Variants in PRKACB observed in about 807,000 individuals in gnomAD.
The protein encoded by PRKACB is cAMP-dependent protein kinase catalytic subunit beta.
Under a neutral mutation model 51.4 loss-of-function variants are expected in PRKACB, and 16 were observed. The ratio of observed to expected loss-of-function variants is 0.31; its 90% CI spans 0.21 to 0.47. The LOEUF is 0.47. Among genes scored for constraint, PRKACB ranks in the 20% least tolerant of loss-of-function variants. The pLI, the probability that PRKACB is intolerant of heterozygous loss-of-function variation, is 1.00. For missense variants in PRKACB, 309 were observed against 464.5 expected (o/e 0.67, Z 3.08); for synonymous variants, 147 against 154.4 (o/e 0.95, Z 0.35).
chr1:84,113,191 C>T (rs1198032045), intron 1 of PRKACB, among the ~76,000 whole-genome samples: 3 of 152,034 alleles, frequency 2.0e-5, no homozygotes, highest in South Asian at 4.2e-4. Flanking sequence ...GAACAAGTCA[C>T]GTAGTATCAC....
intron 6 of PRKACB, among the ~76,000 whole-genome samples, chr1:84,197,375 C>T (rs989702651): frequency 6.6e-6 from 1 of 152,114 alleles, no homozygotes; most frequent in African/African-American, 2.4e-5. Context: ...GCAGAGGACA[C>T]ATTGGGGTAA....
chr1:84,189,148 A>T (rs192983144), intron 5 of PRKACB, among the ~76,000 whole-genome samples: 76 of 152,028 alleles, frequency 5.0e-4, no homozygotes, highest in African/African-American at 1.6e-3. Flanking sequence ...AGAGCTTTCC[A>T]TTAAAAAAAT....
At chr1:84,210,001 A>T (rs760004023) in intron 8 of PRKACB, among the ~76,000 whole-genome samples, 8 of 152,214 alleles carry the variant, frequency 5.3e-5, no homozygotes, top group Admixed American at 1.3e-4. Context: ...CTCTGCCTTC[A>T]TGAAGCTTTC....
intron 9 of PRKACB, among the ~76,000 whole-genome samples, chr1:84,231,382 C>G (rs1038269474): frequency 4.6e-5 from 7 of 152,110 alleles, no homozygotes; most frequent in Non-Finnish European, 8.8e-5. Context: ...CTAAAATTCT[C>G]TTTTTTGGTT....
intron 1 of PRKACB, among the ~76,000 whole-genome samples, chr1:84,147,344 A>G (rs1373949920): frequency 1.3e-5 from 2 of 151,938 alleles, no homozygotes; most frequent in African/African-American, 2.4e-5. Flanking sequence ...ATTTTATACA[A>G]TCTCTCAGAC....
In PRKACB at chr1:84,144,318, G is replaced by T; in HGVS notation, c.-44G>T. ...GTGTAAGAAGTTGTGAGCTCCTTCT[G>T]GAAACATTTGCAGTTACATTAAGTA... On this transcript the variant is annotated 5_prime_UTR_variant, in exon 1 of 10. Coordinates refer to ENST00000370685, the MANE Select transcript of PRKACB (RefSeq NM_182948.4). 6.3e-7 allele frequency: 1 copy of T among 1,592,646 alleles called. No individual in the cohort carries two copies. The highest frequency in any genetic ancestry group is 1.1e-5 in the South Asian group (1 of 87,910).
At chr1:84,127,502 T>A (rs1255480442) in intron 1 of PRKACB, among the ~76,000 whole-genome samples, 1 of 152,238 alleles carries the variant, frequency 6.6e-6, no homozygotes, top group Non-Finnish European at 1.5e-5. Context: ...TTAATTTACC[T>A]GCTGGTATTA....
rs145969507 is a variant in PRKACB at position 84,162,237 on chromosome 1, A to G, written c.188-16940A>G. Reference sequence around the variant, plus strand: ...TCATGACTTTTCTCCTTACCTTTCAACAATTTGACTATGATATGTCTCAGT... The same window carrying G: ...TCATGACTTTTCTCCTTACCTTTCAGCAATTTGACTATGATATGTCTCAGT... On this transcript the variant is annotated intron_variant, in intron 1 of 9. Transcript: ENST00000370685. Among the ~76,000 whole-genome samples the G allele has an allele frequency of 7.8e-3, 1,187 of 151,786 alleles. 10 individuals carry two copies. Among genetic ancestry groups the G allele is most frequent in the African/African-American group, 0.027 (1,102 of 41,384 alleles).
rs1281543097 is a variant in PRKACB at position 84,181,990 on chromosome 1, A to G, written c.250-210A>G. ...CTATTACTATTATGCTCTGTTTTCC[A>G]ATACATTCTCTCCTCAGATATTAAA... On this transcript the variant is annotated intron_variant, in intron 2 of 9. Coordinates refer to ENST00000370685, the MANE Select transcript of PRKACB (RefSeq NM_182948.4). Among the ~76,000 whole-genome samples the G allele has an allele frequency of 2.0e-5, 3 of 152,038 alleles. No homozygotes were observed. The East Asian group carries it at 5.8e-4, about 29-fold the overall frequency.
intron 5 of PRKACB, among the ~76,000 whole-genome samples, chr1:84,188,068 C>A (rs1215891361): frequency 1.3e-5 from 2 of 151,896 alleles, no homozygotes; most frequent in Non-Finnish European, 2.9e-5. Context: ...AAAGTACTTA[C>A]AACTAATTTT....
chr1:84,145,874 GTTTTAA>G (rs1049557950), intron 1 of PRKACB, among the ~76,000 whole-genome samples: 4 of 151,874 alleles, frequency 2.6e-5, no homozygotes, highest in African/African-American at 9.7e-5. Context: ...TTTCAAGTAT[GTTTTAA>G]TTTAAAGTTA....
At chr1:84,179,717 A>T (rs1481186813) in intron 2 of PRKACB, among the ~76,000 whole-genome samples, 1 of 151,936 alleles carries the variant, frequency 6.6e-6, no homozygotes, top group African/African-American at 2.4e-5. Context: ...ACTAGGATCT[A>T]AAAACTGTAT....
intron 6 of PRKACB, 77 bp downstream of exon 6, chr1:84,196,819 T>G (rs548554396): frequency 7.0e-7 from 1 of 1,424,430 alleles, no homozygotes; most frequent in East Asian, 2.4e-5. Context: ...AACCCCAACT[T>G]GGAATTTTTT....
chr1:84,125,325 C>T (rs145538699), intron 1 of PRKACB, among the ~76,000 whole-genome samples: 275 of 152,296 alleles, frequency 1.8e-3, no homozygotes, highest in African/African-American at 6.3e-3. Flanking sequence ...CATTCTCACA[C>T]GTGAAATTTC....
rs78061870 is a variant in PRKACB, at chr1:84,090,553, C to A, written c.46+12182C>A. The stretch of plus-strand genomic sequence containing the variant: ...TATGGGGACTAGAAACACATGAAGC[C>A]TTGCTCATTTACATGTTTCCCTGTT... On this transcript the variant is annotated intron_variant, in intron 1 of 8. Transcript: ENST00000370688. 2.1e-4 allele frequency among the ~76,000 whole-genome samples: 32 copies of A among 152,278 alleles called. 1 individual carries two copies. The East Asian group carries it at 5.0e-3, about 24-fold the overall frequency.
At chr1:84,109,219 A>G (rs575635107) in intron 1 of PRKACB, among the ~76,000 whole-genome samples, 1 of 152,086 alleles carries the variant, frequency 6.6e-6, no homozygotes, top group Admixed American at 6.6e-5. Flanking sequence ...TCCAGTACAC[A>G]CATTTTGGCG....
intron 1 of PRKACB, among the ~76,000 whole-genome samples, chr1:84,110,678 C>T (rs1000412423): frequency 3.3e-5 from 5 of 151,930 alleles, no homozygotes; most frequent in Non-Finnish European, 5.9e-5. Context: ...GTGTTTTCCC[C>T]AAGTGACTTA....
chr1:84,189,817 G>A (rs974457708), intron 5 of PRKACB, among the ~76,000 whole-genome samples: 8 of 151,954 alleles, frequency 5.3e-5, no homozygotes, highest in African/African-American at 1.9e-4. Flanking sequence ...GTATTATTGA[G>A]AGCAGATCAA....
At chr1:84,080,956 A>G (rs1438429287) in intron 1 of PRKACB, among the ~76,000 whole-genome samples, 6 of 152,208 alleles carry the variant, frequency 3.9e-5, no homozygotes, top group Admixed American at 3.9e-4. Flanking sequence ...TAAAAGCTGA[A>G]AAATGTTACT....
Sources: allele counts gnomAD v4.1 joint callset (sites outside exome capture counted in the v4.1 genomes callset), GRCh38; gene constraint gnomAD v4.1.1; transcripts MANE v1.5; gene names NCBI Gene and HGNC (gene_info 2026-07-23, HGNC 2026-07-21).